The following SLC22A24 variants were observed in gnomAD, a reference collection of about 807,000 sequenced individuals.
SLC22A24 encodes the protein solute carrier family 22 member 24.
A neutral mutation model predicts 49.8 loss-of-function variants in SLC22A24; 53 were observed. The observed-to-expected ratio is 1.06, with a 90% CI of 0.85 to 1.34. SLC22A24 has a LOEUF of 1.34. SLC22A24 is among the 40% of genes most tolerant of loss of function. The pLI is 0.00. For missense variants in SLC22A24, 786 were observed against 675.9 expected (o/e 1.16, Z -1.81); for synonymous variants, 302 against 256.4 (o/e 1.18, Z -1.70).
chr11:63,114,444 T>C (rs927773992), intron 4 of SLC22A24, among the ~76,000 whole-genome samples: 2 of 152,266 alleles, frequency 1.3e-5, no homozygotes, highest in South Asian at 4.1e-4. Flanking sequence ...TCTACACTGT[T>C]TAGCCATCAT....
chr11:63,082,755 A>G (rs1441255418), intron 7 of SLC22A24, among the ~76,000 whole-genome samples: 3 of 152,246 alleles, frequency 2.0e-5, no homozygotes, highest in Non-Finnish European at 4.4e-5. Flanking sequence ...TTGCATTTAT[A>G]TGAGATAATA....
chr11:63,137,455 G>A (rs2087383421), intron 1 of SLC22A24, among the ~76,000 whole-genome samples: 1 of 152,140 alleles, frequency 6.6e-6, no homozygotes. Context: ...GGCTCAACAG[G>A]CCTGTCTCTC....
intron 6 of SLC22A24, among the ~76,000 whole-genome samples, chr11:63,088,391 A>AACATCAACATC (rs2087000121): frequency 6.6e-6 from 1 of 152,054 alleles, no homozygotes; most frequent in Admixed American, 6.5e-5. Context: ...CATCAACATC[A>AACATCAACATC]ACATAAAGGA....
At chr11:63,112,324 C>G (rs558285313) in intron 4 of SLC22A24, among the ~76,000 whole-genome samples, 1 of 152,202 alleles carries the variant, frequency 6.6e-6, no homozygotes, top group Admixed American at 6.5e-5. Context: ...AATGTATATC[C>G]TGTTGATTTG....
At position 63,130,608 on chromosome 11, in the gene SLC22A24, CT is replaced by C. The variant is rs1390083008; in HGVS notation, c.506+4056del. Among the ~76,000 whole-genome samples, 5 of 152,222 alleles carry C rather than the reference CT, an allele frequency of 3.3e-5. No individual in the cohort carries two copies. In the South Asian group the frequency reaches 8.3e-4, roughly 25 times the overall value. Reference sequence around the variant, plus strand: ...GGCTGTGAATCTGTCTGGTCCTGGACTTTTTTTGATTGGTGGGCTGTTAATT... The same window carrying C: ...GGCTGTGAATCTGTCTGGTCCTGGACTTTTTTGATTGGTGGGCTGTTAATT... On this transcript the variant is annotated intron_variant, in intron 2 of 9. Coordinates refer to ENST00000612278, the MANE Select transcript of SLC22A24 (RefSeq NM_001136506.2).
chr11:63,104,552 C>A (rs1218337602), intron 4 of SLC22A24, among the ~76,000 whole-genome samples: 1 of 152,048 alleles, frequency 6.6e-6, no homozygotes, highest in Non-Finnish European at 1.5e-5. Flanking sequence ...TAAAGACATA[C>A]CTGAGACTGG....
At chr11:63,102,162 A>T (rs2087095213) in intron 5 of SLC22A24, among the ~76,000 whole-genome samples, 1 of 152,132 alleles carries the variant, frequency 6.6e-6, no homozygotes, top group Non-Finnish European at 1.5e-5. Context: ...CTCTGATGTG[A>T]TTATTATGCA....
chr11:63,135,827 A>C (rs2087370273), intron 1 of SLC22A24, among the ~76,000 whole-genome samples: 2 of 152,224 alleles, frequency 1.3e-5, no homozygotes. Context: ...ATGAACATAC[A>C]GTGCAGTGGT....
chr11:63,130,407 T>A (rs1468029825), intron 2 of SLC22A24, among the ~76,000 whole-genome samples: 1 of 152,224 alleles, frequency 6.6e-6, no homozygotes, highest in East Asian at 1.9e-4. Flanking sequence ...TTCACATCAA[T>A]GTTCATCAGG....
At chr11:63,122,577 C>T (rs2134669796) in intron 2 of SLC22A24, among the ~76,000 whole-genome samples, 1 of 152,178 alleles carries the variant, frequency 6.6e-6, no homozygotes, top group East Asian at 1.9e-4. Context: ...TGCGGTGGTG[C>T]CATCTCGGCT....
rs1252679096 is a variant in SLC22A24, at chr11:63,111,161, G to T, written c.831-6863C>A. ...TATGCTGGATTACATTTATTGATTT[G>T]TGTATGTTGAACCAGCCTTGCATCC... On this transcript the variant is annotated intron_variant, in intron 4 of 9. Transcript: ENST00000612278. Among the ~76,000 whole-genome samples, 18 of 152,178 alleles carry T rather than the reference G, an allele frequency of 1.2e-4. No homozygotes were observed. In the East Asian group the frequency reaches 3.5e-3, roughly 29 times the overall value.
chr11:63,131,320 A>G (rs2087333900), intron 2 of SLC22A24, among the ~76,000 whole-genome samples: 1 of 152,120 alleles, frequency 6.6e-6, no homozygotes, highest in African/African-American at 2.4e-5. Flanking sequence ...GCCTGTCATT[A>G]TGATGTTAGC....
intron 7 of SLC22A24, among the ~76,000 whole-genome samples, chr11:63,082,259 T>A (rs1258739489): frequency 6.6e-6 from 1 of 152,206 alleles, no homozygotes; most frequent in Non-Finnish European, 1.5e-5. Flanking sequence ...AATTCAGGAT[T>A]GTAAAACCTA....
rs1204211324 is a variant in SLC22A24, at chr11:63,083,371, C to T, written c.1157G>A (p.Gly386Glu). ...ACATCTGGCTGTGAATGTGACAGCT[C>T]CACAGAGAATCTGGAACAGGGAGAC... ...SNVSLFQILC[G>E]AVTFTARCVS... Residue 386 changes from glycine to glutamate, a missense_variant, in exon 7 of 10, where the codon GGA becomes GAA. Physicochemically the swap from Gly to Glu is moderately conservative, Grantham distance 98. Transcript: ENST00000612278. 1 of 1,552,016 alleles carries T rather than the reference C, an allele frequency of 6.4e-7. No individual in the cohort carries two copies. The highest frequency in any genetic ancestry group is 1.4e-5 in the African/African-American group (1 of 73,106).
At chr11:63,114,945 G>C (rs2087201087) in intron 4 of SLC22A24, among the ~76,000 whole-genome samples, 1 of 152,204 alleles carries the variant, frequency 6.6e-6, no homozygotes, top group Admixed American at 6.5e-5. Context: ...CTTCGTCTCA[G>C]AAGGGCACCT....
chr11:63,143,125 G>A (rs2087426909), intron 1 of SLC22A24, among the ~76,000 whole-genome samples: 1 of 152,142 alleles, frequency 6.6e-6, no homozygotes, highest in South Asian at 2.1e-4. Context: ...AGATGTGTTT[G>A]AGCCTAGTTA....
At chr11:63,118,489 C>A (rs935474782) in intron 4 of SLC22A24, 1 of 233,734 alleles carries the variant, frequency 4.3e-6, no homozygotes, top group Non-Finnish European at 8.3e-6. Flanking sequence ...CCCATCCTAA[C>A]TCTTGGTGCT....
intron 4 of SLC22A24, among the ~76,000 whole-genome samples, chr11:63,111,641 G>C (rs922838349): frequency 6.6e-6 from 1 of 150,456 alleles, no homozygotes; most frequent in African/African-American, 2.4e-5. Context: ...TTGTGTAGAG[G>C]TGTTTGTAGT....
In SLC22A24 at chr11:63,143,627, G is replaced by A. The variant is rs1400347566; in HGVS notation, c.153C>T (p.Val51=). Residue 51 remains valine, a synonymous_variant, in exon 1 of 10, where the codon GTC becomes GTT. Coordinates refer to ENST00000612278, the MANE Select transcript of SLC22A24 (RefSeq NM_001136506.2). ...ACACAGTGTCATTGTCCAGGAGGGG[G>A]ACCCAGCAGCGATGACTAGGGGTGA... ...TAFTPSHRCW[V]PLLDNDTVSD... The A allele has an allele frequency of 1.9e-6, 3 of 1,591,614 alleles. No individual in the cohort carries two copies. The South Asian group carries it at 3.4e-5, about 18-fold the overall frequency.
Sources: gnomAD v4.1 joint callset for allele counts (sites outside exome capture counted in the v4.1 genomes callset) on GRCh38, gnomAD v4.1.1 for gene constraint, MANE v1.5 for transcripts, NCBI Gene and HGNC (gene_info 2026-07-23, HGNC 2026-07-21) for gene names.